Variants in N4BP2 observed in about 807,000 individuals in gnomAD.
N4BP2 encodes the protein NEDD4 binding protein 2.
A neutral mutation model predicts 152.8 loss-of-function variants in N4BP2; 91 were observed. That is an observed-to-expected ratio of 0.60 (90% CI 0.50 to 0.71). The LOEUF (loss-of-function observed/expected upper bound fraction) is 0.71. Among genes scored for constraint, N4BP2 ranks in the 30% least tolerant of loss-of-function variants. N4BP2 has a pLI of 0.00. For synonymous variants in N4BP2, 646 were observed against 705.3 expected, an observed-to-expected ratio of 0.92 and a Z score of 1.33; for missense variants, 1,923 against 2,059.1, an observed-to-expected ratio of 0.93 and a Z score of 1.28.
chr4:40,095,188 A>G (rs184268344), intron 2 of N4BP2, among the ~76,000 whole-genome samples: 35 of 152,120 alleles, frequency 2.3e-4, no homozygotes, highest in African/African-American at 7.2e-4. Flanking sequence ...GGTTCAAGCA[A>G]TTCTGCTTCA....
At position 40,120,994 on chromosome 4, in the gene N4BP2, G is replaced by C. The variant is rs1200848021; in HGVS notation, c.2883G>C (p.Gln961His). Residue 961 changes from glutamine to histidine, a missense_variant, in exon 9 of 18, where the codon CAG becomes CAC. Coordinates refer to ENST00000261435, the MANE Select transcript of N4BP2 (RefSeq NM_018177.6). ...MLLSEMTCES[Q>H]TCLSKKSHGQ... ...TCAGTGAAATGACCTGTGAGAGTCA[G>C]ACTTGTCTAAGTAAAAAGAGTCATG... 1 of 1,614,142 alleles carries C rather than the reference G, an allele frequency of 6.2e-7. No homozygotes were observed. The highest frequency in any genetic ancestry group is 2.2e-5 in the East Asian group (1 of 44,882).
rs1027425946 is a variant in N4BP2, at chr4:40,120,114, T to C, written c.2003T>C (p.Met668Thr). 4.3e-6 allele frequency: 7 copies of C among 1,611,772 alleles called. No homozygotes were observed. The African/African-American group carries it at 5.4e-5, about 12-fold the overall frequency. Reference sequence around the variant, plus strand: ...AAAAGAAGAAAAGAAATAAGTGATATGAATCCTAGCATTCAAAGTGCTTTA... The same window carrying C: ...AAAAGAAGAAAAGAAATAAGTGATACGAATCCTAGCATTCAAAGTGCTTTA... ...LNKRRKEISD[M>T]NPSIQSALIL... Residue 668 changes from methionine (M) to threonine (T), a missense_variant, in exon 9 of 18, where the codon ATG (methionine) becomes ACG (threonine). Coordinates refer to ENST00000261435, the MANE Select transcript of N4BP2 (RefSeq NM_018177.6).
At chr4:40,150,435 G>A (rs1721044398) in intron 16 of N4BP2, among the ~76,000 whole-genome samples, 1 of 152,176 alleles carries the variant, frequency 6.6e-6, no homozygotes, top group Non-Finnish European at 1.5e-5. Context: ...GGAAGGCCGA[G>A]GCAGTCAGAT....
intron 17 of N4BP2, 24 bp from the exon 18 acceptor site, chr4:40,154,168 A>G (rs180676313): frequency 5.1e-6 from 8 of 1,570,150 alleles, no homozygotes; most frequent in South Asian, 2.3e-5. Context: ...CATCTTTAAA[A>G]TAACTCTTTT....
In N4BP2 at chr4:40,157,880, G is replaced by A. The variant is rs1721724347; in HGVS notation, c.*3643G>A. On this transcript the variant is annotated 3_prime_UTR_variant, in exon 18 of 18. Transcript: ENST00000261435. ...TTTACAGAATTTAATAGAGAAACAA[G>A]GCTAGAACACATCTACATCCTGAAG... is the stretch of plus-strand genomic sequence containing the variant. 6.6e-6 allele frequency: 1 copy of A among 152,112 alleles called. No individual in the cohort carries two copies. The highest frequency in any genetic ancestry group is 6.5e-5 in the Admixed American group (1 of 15,276). 9.4% of individuals were successfully genotyped at this position (152,112 alleles called of 1,614,324 possible).
At chr4:40,180,671 T>A in the N4BP2 span, among the ~76,000 whole-genome samples, 1 of 152,160 alleles carries the variant, frequency 6.6e-6, no homozygotes, top group South Asian at 2.1e-4. Context: ...AGCAAAAAAG[T>A]GAAATACATC....
intron 16 of N4BP2, among the ~76,000 whole-genome samples, chr4:40,147,593 C>T (rs944957532): frequency 2.7e-5 from 4 of 150,532 alleles, no homozygotes; most frequent in African/African-American, 7.3e-5. Flanking sequence ...GGGCTGACCC[C>T]CCCACCTCCC....
At chr4:40,070,058 A>T (rs1290600727) in intron 1 of N4BP2, among the ~76,000 whole-genome samples, 1 of 152,224 alleles carries the variant, frequency 6.6e-6, no homozygotes, top group Non-Finnish European at 1.5e-5. Context: ...ACATTTTAAA[A>T]ACTTTCATTA....
rs1002492816 is a variant in N4BP2, at chr4:40,061,671, A to T, written c.-212+4641A>T. Among the ~76,000 whole-genome samples the T allele has an allele frequency of 1.4e-3, 156 of 112,374 alleles. 1 individual carries two copies. Among genetic ancestry groups the T allele is most frequent in the Middle Eastern group, 8.5e-3 (1 of 118 alleles). 73.7% of individuals were successfully genotyped at this position (112,374 alleles called of 152,430 possible). A position where few individuals can be genotyped will look rare whatever the true frequency, so the allele number is the denominator to read the frequency against. On this transcript the variant is annotated intron_variant, in intron 1 of 17. Transcript: ENST00000261435. Reference sequence around the variant, plus strand: ...TGAGCCACTGTGTCTGGCGTATTTTATTTTTTTTTTTGGGTGGAGTTTTGC... The same window carrying T: ...TGAGCCACTGTGTCTGGCGTATTTTTTTTTTTTTTTTGGGTGGAGTTTTGC...
intron 9 of N4BP2, 51 bp from the exon 10 acceptor site, chr4:40,123,076 A>G (rs779926948): frequency 8.3e-7 from 1 of 1,204,728 alleles, no homozygotes; most frequent in East Asian, 2.3e-5. Flanking sequence ...TTTTCTGCAA[A>G]TATATAATGA....
chr4:40,090,889 C>T (rs970222364), intron 2 of N4BP2, among the ~76,000 whole-genome samples: 50 of 144,162 alleles, frequency 3.5e-4, no homozygotes, highest in African/African-American at 1.2e-3. Flanking sequence ...GCCAAGATCA[C>T]GCCATTGCAC....
chr4:40,127,862 C>T lies in N4BP2; in HGVS notation c.4527+1532C>T, dbSNP rs191141599. 4.6e-5 allele frequency among the ~76,000 whole-genome samples: 7 copies of T among 152,214 alleles called. No individual in the cohort carries two copies. In the East Asian group the frequency reaches 5.8e-4, roughly 13 times the overall value. ...TTTTTTAGTAGAGACGGGGTTTCAC[C>T]GTGTTAGCCAGGATGGTCTTGATCT... On this transcript the variant is annotated intron_variant, in intron 12 of 17. Coordinates refer to ENST00000261435, the MANE Select transcript of N4BP2 (RefSeq NM_018177.6).
In N4BP2 at chr4:40,098,789, A is replaced by T. The variant is rs183845899; in HGVS notation, c.229+1220A>T. ...AGCAATGAGGAATTACAAGAAATCCACATCATCCTATACCATAACAAAAAA... is the reference window on the plus strand; with the variant it reads ...AGCAATGAGGAATTACAAGAAATCCTCATCATCCTATACCATAACAAAAAA... On this transcript the variant is annotated intron_variant, in intron 3 of 17. Transcript: ENST00000261435. Among the ~76,000 whole-genome samples, 554 of 152,358 alleles carry T rather than the reference A, an allele frequency of 3.6e-3. 14 individuals carry two copies. The highest frequency in any genetic ancestry group is 7.8e-4 in the Non-Finnish European group (53 of 68,036).
chr4:40,168,595 C>CT, the N4BP2 span, among the ~76,000 whole-genome samples: 3 of 151,472 alleles, frequency 2.0e-5, no homozygotes, highest in African/African-American at 7.3e-5. Flanking sequence ...ATGGATTTTA[C>CT]ACCTTTTTCA....
chr4:40,072,504 A>T (rs1028471187), intron 1 of N4BP2, among the ~76,000 whole-genome samples: 4 of 151,602 alleles, frequency 2.6e-5, no homozygotes, highest in African/African-American at 9.7e-5. Flanking sequence ...TCGGCCTCCC[A>T]ACGTGCTGGG....
intron 5 of N4BP2, among the ~76,000 whole-genome samples, chr4:40,111,125 T>C (rs571719064): frequency 6.6e-6 from 1 of 152,296 alleles, no homozygotes; most frequent in Admixed American, 6.5e-5. Context: ...ATATTAGATA[T>C]ATGGAAAAGT....
intron 16 of N4BP2, among the ~76,000 whole-genome samples, 167 bp from the exon 17 acceptor site, chr4:40,152,613 G>A (rs11722533): frequency 0.18 from 26,662 of 152,122 alleles, 3,034 homozygotes; most frequent in Admixed American, 0.26. Context: ...ACATTAATTT[G>A]GGGGCTTTTT....
chr4:40,130,254 T>A (rs1431094326), intron 12 of N4BP2, among the ~76,000 whole-genome samples: 5 of 152,080 alleles, frequency 3.3e-5, no homozygotes, highest in African/African-American at 9.7e-5. Context: ...GGTCTCGAAC[T>A]CCTGGGCTCA....
At chr4:40,071,527 A>G (rs28663603) in intron 1 of N4BP2, among the ~76,000 whole-genome samples, 1 of 152,182 alleles carries the variant, frequency 6.6e-6, no homozygotes, top group African/African-American at 2.4e-5. Flanking sequence ...TCTAGCAAGT[A>G]GTAATCTATA....
Sources: gnomAD v4.1 joint callset for allele counts (sites outside exome capture counted in the v4.1 genomes callset) on GRCh38, gnomAD v4.1.1 for gene constraint, MANE v1.5 for transcripts, NCBI Gene and HGNC (gene_info 2026-07-23, HGNC 2026-07-21) for gene names.